The following ADAR variants were observed in gnomAD, a reference collection of about 807,000 sequenced individuals.
ADAR encodes the protein adenosine deaminase RNA specific.
Under a neutral mutation model 113.2 loss-of-function variants are expected in ADAR, and 41 were observed. That is an observed-to-expected ratio of 0.36 (90% confidence interval 0.28 to 0.47). The LOEUF (loss-of-function observed/expected upper bound fraction) is 0.47, where lower values mean the gene tolerates loss of function less well. ADAR is among the 20% of genes least tolerant of loss of function. The pLI is 1.00. For synonymous variants in ADAR, 605 were observed against 572.6 expected (o/e 1.06, Z -0.81); for missense variants, 1,242 against 1,540.9 (o/e 0.81, Z 3.25).
chr1:154,589,942 A>G lies in ADAR; in HGVS notation c.2497-14T>C. On this transcript the variant is annotated splice_polypyrimidine_tract_variant and intron_variant, in intron 7 of 14. Transcript: ENST00000368474. ...AGTGAGAGGGAGCTGTGGGGAAAAG[A>G]GGCTGTGTCAGCACCACAAAGCTGA... 2 of 1,613,650 alleles carry G rather than the reference A, an allele frequency of 1.2e-6. No homozygotes were observed. The highest frequency in any genetic ancestry group is 2.7e-5 in the African/African-American group (2 of 75,016).
upstream of ADAR, among the ~76,000 whole-genome samples, chr1:154,609,903 TGTCAA>T (rs2101677607): frequency 6.6e-6 from 1 of 152,344 alleles, no homozygotes; most frequent in East Asian, 1.9e-4. Context: ...CCTCTAGAAT[TGTCAA>T]GTCATCTCCT....
intron 13 of ADAR, 25 bp from the exon 14 acceptor site, chr1:154,585,369 G>A: frequency 6.2e-7 from 1 of 1,613,992 alleles, no homozygotes; most frequent in African/African-American, 1.3e-5. Flanking sequence ...AGCAACGGGA[G>A]AAAGATGGAA....
At position 154,602,168 on chromosome 1, in the gene ADAR, T is replaced by G. The variant is rs1434133622; in HGVS notation, c.474A>C (p.Ala158=). The G allele has an allele frequency of 3.7e-6, 6 of 1,614,126 alleles. No homozygotes were observed. The highest frequency in any genetic ancestry group is 1.6e-4 in the Middle Eastern group (1 of 6,084). Residue 158 remains alanine, a synonymous_variant, in exon 2 of 15, where the codon GCA becomes GCC. Transcript: ENST00000368474. ...EELGEGKATT[A]HDLSGKLGTP... is the part of the protein sequence containing the mutation. ...TCCCAAGTTTCCCAGACAGATCATG[T>G]GCTGTGGTGGCCTTCCCTTCCCCAA...
At chr1:154,595,270 CCTT>C (rs1159117353) in intron 6 of ADAR, among the ~76,000 whole-genome samples, 2 of 152,276 alleles carry the variant, frequency 1.3e-5, no homozygotes, top group Non-Finnish European at 2.9e-5. Context: ...AGCGTATACT[CCTT>C]CTACTTCTAG....
At chr1:154,588,293 T>C (rs773732227) in intron 10 of ADAR, 35 bp from the exon 11 acceptor site, 1 of 1,614,088 alleles carries the variant, frequency 6.2e-7, no homozygotes, top group South Asian at 1.1e-5. Flanking sequence ...AACTCACCTG[T>C]GGGAAATCTG....
At chr1:154,586,571 A>T (rs888212538) in intron 11 of ADAR, among the ~76,000 whole-genome samples, 3 of 152,220 alleles carry the variant, frequency 2.0e-5, no homozygotes, top group African/African-American at 7.2e-5. Flanking sequence ...CTCTTAAAAC[A>T]TCTATGGTGG....
Position 154,590,150 on chromosome 1 carries a change from C to CA in ADAR, c.2496+33_2496+34insT, listed in dbSNP as rs773087531. The CA allele has an allele frequency of 2.0e-4, 257 of 1,289,356 alleles. 8 individuals are homozygous for CA. Among genetic ancestry groups the CA allele is most frequent in the Non-Finnish European group, 2.7e-4 (243 of 911,992 alleles). The allele number at this position is 1,289,356 out of a possible 1,614,324, so 79.9% of individuals were successfully genotyped here. Reference sequence around the variant, plus strand: ...CTTAGGAGTTAGGAGGACCCCCCCGCCCCAAAAAAGGCACCAAAAGTAGAC... The same window carrying CA: ...CTTAGGAGTTAGGAGGACCCCCCCGCACCCAAAAAAGGCACCAAAAGTAGAC... On this transcript the variant is annotated intron_variant, in intron 7 of 14. Coordinates refer to ENST00000368474, the MANE Select transcript of ADAR (RefSeq NM_001111.5).
chr1:154,610,841 A>AAAAAAAAAAAAAAAAAT (rs1698465694), upstream of ADAR, among the ~76,000 whole-genome samples: 1 of 145,878 alleles, frequency 6.9e-6, no homozygotes, highest in Non-Finnish European at 1.5e-5. Context: ...AAAAAAAAAA[A>AAAAAAAAAAAAAAAAAT]GACAAAATTG....
chr1:154,606,067 T>C, intron 1 of ADAR: 2 of 457,796 alleles, frequency 4.4e-6, no homozygotes, highest in Non-Finnish European at 5.8e-6. Context: ...TGCAGTGGCA[T>C]GATCTCGGCT....
rs561276347 is a variant in ADAR at position 154,585,148 on chromosome 1, A to G, written c.3443+69T>C. On this transcript the variant is annotated intron_variant, in intron 14 of 14. Transcript: ENST00000368474. Reference sequence around the variant, plus strand: ...GGCGGCTCTCAAGCCCTGAGACTGCAGAGGTATGATGCACCCTTGCAAGTC... The same window carrying G: ...GGCGGCTCTCAAGCCCTGAGACTGCGGAGGTATGATGCACCCTTGCAAGTC... 602 of 1,613,916 alleles carry G rather than the reference A, an allele frequency of 3.7e-4. 2 individuals are homozygous for G. The African/African-American group carries it at 7.3e-3, about 20-fold the overall frequency.
chr1:154,593,325 C>T (rs1029438526), intron 6 of ADAR, among the ~76,000 whole-genome samples: 3 of 152,220 alleles, frequency 2.0e-5, no homozygotes, highest in African/African-American at 7.2e-5. Flanking sequence ...CAACCTTCCT[C>T]AGCTCCCTGG....
chr1:154,588,578 T>G lies in ADAR; in HGVS notation c.2858A>C (p.Lys953Thr). The G allele has an allele frequency of 6.2e-7, 1 of 1,614,126 alleles. No homozygotes were observed. The highest frequency in any genetic ancestry group is 8.5e-7 in the Non-Finnish European group (1 of 1,180,020). The stretch of plus-strand genomic sequence containing the variant: ...GATATACAGATGGAATGACACAGTC[T>G]TTTTTATTTGGAGCTTTTCTCCTCC... ...AKGGEKLQIK[K>T]TVSFHLYIST... The change falls in exon 10 of 15, where the codon AAG becomes ACG. Residue 953 changes from lysine (K) to threonine (T), a missense_variant. By Grantham distance (78) the Lys-to-Thr change is moderately conservative. Coordinates refer to ENST00000368474, the MANE Select transcript of ADAR (RefSeq NM_001111.5).
At chr1:154,620,405 CAA>C (rs368579988) in intron 1 of ADAR, among the ~76,000 whole-genome samples, 1 of 133,522 alleles carries the variant, frequency 7.5e-6, no homozygotes, top group African/African-American at 2.7e-5. Flanking sequence ...GGCTCCGTCT[CAA>C]AAAAAAAAAC....
intron 1 of ADAR, among the ~76,000 whole-genome samples, chr1:154,604,153 C>T (rs1467388356): frequency 6.6e-6 from 1 of 152,222 alleles, no homozygotes; most frequent in Non-Finnish European, 1.5e-5. Context: ...CAGCCTCACA[C>T]AATATGCAAA....
intron 1 of ADAR, among the ~76,000 whole-genome samples, chr1:154,621,165 CAT>C (rs1199936416): frequency 1.3e-5 from 2 of 151,964 alleles, no homozygotes; most frequent in East Asian, 3.8e-4. Flanking sequence ...TAAAACAAAA[CAT>C]AGACCTTTAA....
At position 154,589,827 on chromosome 1, in the gene ADAR, G is replaced by A. The variant is rs749389266; in HGVS notation, c.2598C>T (p.Arg866=). Residue 866 remains arginine, a synonymous_variant, in exon 8 of 15, where the codon CGC becomes CGT. Transcript: ENST00000368474. ...TCATAATGATGGCGGCCAGAATCTT[G>A]CGGCCGAGCAAGGAGGGCTGGAAGC... ...TNSFQPSLLG[R]KILAAIIMKK... 1 of 1,613,880 alleles carries A rather than the reference G, an allele frequency of 6.2e-7. No individual in the cohort carries two copies. The highest frequency in any genetic ancestry group is 8.5e-7 in the Non-Finnish European group (1 of 1,180,012).
chr1:154,585,644 A>G, intron 13 of ADAR, 109 bp downstream of exon 13: 2 of 1,031,588 alleles, frequency 1.9e-6, no homozygotes, highest in Non-Finnish European at 3.0e-6. Flanking sequence ...CTTGTGGGCT[A>G]CCACTGTGGG....
At position 154,596,748 on chromosome 1, in the gene ADAR, G is replaced by T. The variant is rs752725425; in HGVS notation, c.2270+57C>A. 1.9e-6 allele frequency: 3 copies of T among 1,598,326 alleles called. No homozygotes were observed. In the Admixed American group the frequency reaches 5.0e-5, roughly 27 times the overall value. ...CTAAAGCACACCCTTGTTTTCCCTGGGTTACAGACCATCCCCAACTGGTGA... is the reference window on the plus strand; with the variant it reads ...CTAAAGCACACCCTTGTTTTCCCTGTGTTACAGACCATCCCCAACTGGTGA... On this transcript the variant is annotated intron_variant, in intron 6 of 14. Transcript: ENST00000368474.
intron 9 of ADAR, 143 bp downstream of exon 9, chr1:154,589,226 C>T (rs754120212): frequency 2.8e-5 from 20 of 719,258 alleles, no homozygotes; most frequent in African/African-American, 1.2e-4. Context: ...TTCAAATGGA[C>T]GGGTGAAAAG....
Sources: allele counts gnomAD v4.1 joint callset (sites outside exome capture counted in the v4.1 genomes callset), GRCh38; gene constraint gnomAD v4.1.1; transcripts MANE v1.5; gene names NCBI Gene and HGNC (gene_info 2026-07-23, HGNC 2026-07-21).